Variants in MACROD2 observed in about 807,000 individuals in gnomAD.
MACROD2 encodes ADP-ribose glycohydrolase MACROD2.
In MACROD2, 36 loss-of-function variants were observed where a neutral mutation model predicts 70.4. That is an observed-to-expected ratio of 0.51 (90% CI 0.39 to 0.68). The LOEUF is 0.68. Ranked by LOEUF, MACROD2 falls within the 30% of genes least tolerant of loss-of-function variation. The pLI, the probability that MACROD2 is intolerant of heterozygous loss-of-function variation, is 0.00. For synonymous variants in MACROD2, 172 were observed against 178.8 expected (o/e 0.96, Z 0.30); for missense variants, 496 against 538.4 (o/e 0.92, Z 0.78).
intron 4 of MACROD2, among the ~76,000 whole-genome samples, chr20:14,659,137 A>C (rs1005057728): frequency 6.6e-6 from 1 of 152,116 alleles, no homozygotes; most frequent in Non-Finnish European, 1.5e-5. Context: ...AAAGCCTTAC[A>C]ATAACTAGCC....
At chr20:14,904,324 A>G (rs1050464997) in intron 5 of MACROD2, among the ~76,000 whole-genome samples, 1 of 152,200 alleles carries the variant, frequency 6.6e-6, no homozygotes, top group Non-Finnish European at 1.5e-5. Context: ...AAATCAGTGT[A>G]TATCTGATAA....
intron 4 of MACROD2, among the ~76,000 whole-genome samples, chr20:14,600,611 T>G (rs929825995): frequency 2.6e-5 from 4 of 152,136 alleles, no homozygotes; most frequent in African/African-American, 9.7e-5. Flanking sequence ...TTATTTTCAT[T>G]TTACAGGTGA....
intron 15 of MACROD2, among the ~76,000 whole-genome samples, chr20:16,038,273 G>C (rs893610020): frequency 6.6e-6 from 1 of 151,814 alleles, no homozygotes; most frequent in African/African-American, 2.4e-5. Context: ...TCTTGAAACA[G>C]TGGTTTGAGA....
At chr20:14,181,561 C>G (rs2081305581) in intron 3 of MACROD2, among the ~76,000 whole-genome samples, 1 of 151,910 alleles carries the variant, frequency 6.6e-6, no homozygotes, top group Non-Finnish European at 1.5e-5. Flanking sequence ...ATTTGTGAAG[C>G]CATCACCACT....
rs1161843217 is a variant in MACROD2, at chr20:14,921,101, A to G, written c.418+236142A>G. On this transcript the variant is annotated intron_variant, in intron 5 of 17. Coordinates refer to ENST00000684519, the MANE Select transcript of MACROD2 (RefSeq NM_001351661.2). The stretch of plus-strand genomic sequence containing the variant: ...TACATAATGTATAGAATTAAAAAAC[A>G]CTGGTGAATCAACTCTGTGCTGTGA... 2.6e-5 allele frequency among the ~76,000 whole-genome samples: 4 copies of G among 152,184 alleles called. No individual in the cohort carries two copies. The East Asian group carries it at 7.7e-4, about 29-fold the overall frequency.
intron 3 of MACROD2, among the ~76,000 whole-genome samples, chr20:14,459,138 A>G (rs2123009866): frequency 6.6e-6 from 1 of 152,060 alleles, no homozygotes; most frequent in South Asian, 2.1e-4. Flanking sequence ...TGTAAGGGCT[A>G]CTTCTTAATA....
intron 5 of MACROD2, among the ~76,000 whole-genome samples, chr20:14,711,640 T>C (rs1011325911): frequency 1.3e-5 from 2 of 152,136 alleles, no homozygotes; most frequent in Admixed American, 1.3e-4. Context: ...GTGAACTAAA[T>C]CTAAATGGGG....
intron 5 of MACROD2, among the ~76,000 whole-genome samples, chr20:15,153,938 A>G (rs2076289141): frequency 6.6e-6 from 1 of 152,188 alleles, no homozygotes; most frequent in Non-Finnish European, 1.5e-5. Context: ...ATGTCCTCTT[A>G]CTGTGAACAA....
intron 3 of MACROD2, among the ~76,000 whole-genome samples, chr20:14,234,597 A>G (rs1471654928): frequency 1.3e-5 from 2 of 152,160 alleles, no homozygotes; most frequent in East Asian, 1.9e-4. Context: ...CTTCTGTGCT[A>G]TATATGCTCT....
rs1343962152 is a variant in MACROD2 at position 14,741,983 on chromosome 20, T to A, written c.418+57024T>A. Reference sequence around the variant, plus strand: ...AATATACCAGACATTTTTACTGTCATGAAGAGAGAAAAATGATAGTTCAAG... The same window carrying A: ...AATATACCAGACATTTTTACTGTCAAGAAGAGAGAAAAATGATAGTTCAAG... On this transcript the variant is annotated intron_variant, in intron 5 of 17. Coordinates refer to ENST00000684519, the MANE Select transcript of MACROD2 (RefSeq NM_001351661.2). 2.0e-5 allele frequency among the ~76,000 whole-genome samples: 3 copies of A among 152,142 alleles called. No homozygotes were observed. The East Asian group carries it at 5.8e-4, about 29-fold the overall frequency.
chr20:15,890,170 A>G (rs1240712251), intron 10 of MACROD2, among the ~76,000 whole-genome samples: 1 of 152,186 alleles, frequency 6.6e-6, no homozygotes, highest in Non-Finnish European at 1.5e-5. Flanking sequence ...ACTTTTTCAA[A>G]AATAAAATAT....
At position 15,679,854 on chromosome 20, in the gene MACROD2, T is replaced by G. The variant is rs139362138; in HGVS notation, c.645+180007T>G. ...TTGAGGATTCCTGCTGTGCATCATC[T>G]GAATTCCAGACCTGCAGAAATGTGA... On this transcript the variant is annotated intron_variant, in intron 8 of 17. Transcript: ENST00000684519. Among the ~76,000 whole-genome samples, 464 of 152,358 alleles carry G rather than the reference T, an allele frequency of 3.0e-3. 9 individuals carry two copies. The highest frequency in any genetic ancestry group is 1.0e-2 in the African/African-American group (415 of 41,586).
chr20:15,572,301 G>T (rs1052401547), intron 8 of MACROD2, among the ~76,000 whole-genome samples: 1 of 151,994 alleles, frequency 6.6e-6, no homozygotes, highest in Non-Finnish European at 1.5e-5. Flanking sequence ...GCCACCAAGA[G>T]AATTTCTTTG....
chr20:14,591,318 A>C (rs1981755375), intron 4 of MACROD2, among the ~76,000 whole-genome samples: 2 of 152,098 alleles, frequency 1.3e-5, no homozygotes, highest in East Asian at 3.9e-4. Flanking sequence ...TAACATAATT[A>C]TTTGGTCTGG....
rs1426246248 is a variant in MACROD2 at position 15,379,603 on chromosome 20, C to T, written c.541-51802C>T. ...AACTCTCACTTCTTTTCTCCCCAAA[C>T]TCACATTCAATTCATTTGCAATTGC... On this transcript the variant is annotated intron_variant, in intron 6 of 17. Transcript: ENST00000684519. Among the ~76,000 whole-genome samples, 3 of 152,132 alleles carry T rather than the reference C, an allele frequency of 2.0e-5. No homozygotes were observed. The East Asian group carries it at 5.8e-4, about 29-fold the overall frequency.
chr20:14,327,528 T>G, intron 3 of MACROD2: 1 of 1,580,420 alleles, frequency 6.3e-7, no homozygotes, highest in Non-Finnish European at 8.6e-7. Context: ...TTGAGGTCTT[T>G]ATACAAGGTA....
chr20:14,366,408 G>A (rs204635), intron 3 of MACROD2, among the ~76,000 whole-genome samples: 7 of 147,454 alleles, frequency 4.7e-5, no homozygotes, highest in Admixed American at 2.0e-4. Flanking sequence ...TCACTCTGTC[G>A]CCAGGCTGGA....
chr20:13,995,857 T>TGGGGGGGGGGGGGTTGGGGGG lies in MACROD2; in HGVS notation c.46+53_46+54insGGGGGGGGTTGGGGGGGGGGG. On this transcript the variant is annotated intron_variant, in intron 1 of 17. Coordinates refer to ENST00000684519, the MANE Select transcript of MACROD2 (RefSeq NM_001351661.2). The surrounding 1 kb of genome is among the most constrained non-coding windows in gnomAD (Gnocchi z 4.3). ...GGGGTGCGGGCGGTGGGGGTTAGGGTGGGGGCGGGGGTCAGGCTGTGTGTG... is the reference window on the plus strand; with the variant it reads ...GGGGTGCGGGCGGTGGGGGTTAGGGTGGGGGGGGGGGGGTTGGGGGGGGGGGCGGGGGTCAGGCTGTGTGTG... The TGGGGGGGGGGGGGTTGGGGGG allele has an allele frequency of 7.0e-6, 2 of 284,128 alleles. No homozygotes were observed. The highest frequency in any genetic ancestry group is 8.9e-5 in the Admixed American group (2 of 22,394). The allele number at this position is 284,128 out of a possible 1,614,324, so 17.6% of individuals were successfully genotyped here.
chr20:15,528,696 A>C (rs75333456), intron 8 of MACROD2, among the ~76,000 whole-genome samples: 13 of 148,548 alleles, frequency 8.8e-5, no homozygotes, highest in African/African-American at 3.2e-4. Flanking sequence ...AAATTAAAAT[A>C]TCTCATTTGT....
Sources: allele counts gnomAD v4.1 joint callset (sites outside exome capture counted in the v4.1 genomes callset), GRCh38; gene constraint gnomAD v4.1.1; non-coding constraint Gnocchi (gnomAD v3.1); transcripts MANE v1.5; gene names NCBI Gene and HGNC (gene_info 2026-07-23, HGNC 2026-07-21).